SYT16: variants seen among roughly 807,000 people sequenced by gnomAD.
SYT16 encodes the protein synaptotagmin 16, also known as synaptotagmin-16.
In SYT16, 42 loss-of-function variants were observed where a neutral mutation model predicts 61.4. That is an observed-to-expected ratio of 0.68 (90% CI 0.53 to 0.89). The LOEUF (loss-of-function observed/expected upper bound fraction) is 0.89, where lower values mean the gene tolerates loss of function less well. SYT16 is among the 40% of genes least tolerant of loss of function. The probability of loss-of-function intolerance (pLI) is 0.00; values close to 1 mark genes in which losing one functional copy is unlikely to be tolerated. For synonymous variants in SYT16, 314 were observed against 302.3 expected (o/e 1.04, Z -0.40); for missense variants, 804 against 807.3 (o/e 1.00, Z 0.05).
chr14:61,842,786 G>C, intron 1 of SYT16, among the ~76,000 whole-genome samples: 1 of 148,970 alleles, frequency 6.7e-6, no homozygotes, highest in South Asian at 2.2e-4. Context: ...GGGGTGGGGG[G>C]AGCGGGGAGG....
intron 1 of SYT16, among the ~76,000 whole-genome samples, chr14:61,867,509 A>C (rs1195946678): frequency 6.6e-6 from 1 of 152,092 alleles, no homozygotes; most frequent in African/African-American, 2.4e-5. Context: ...TATGAATTGG[A>C]ATCTACATAA....
At chr14:61,939,395 G>C (rs2050120252) in intron 1 of SYT16, among the ~76,000 whole-genome samples, 1 of 152,174 alleles carries the variant, frequency 6.6e-6, no homozygotes, top group Non-Finnish European at 1.5e-5. Context: ...CACTAGTGCT[G>C]CTTTCACAAA....
chr14:62,029,940 C>T (rs558552798), intron 3 of SYT16, among the ~76,000 whole-genome samples: 1 of 152,276 alleles, frequency 6.6e-6, no homozygotes. Flanking sequence ...CTTCTTCCTA[C>T]TTCCCAGATG....
intron 1 of SYT16, among the ~76,000 whole-genome samples, chr14:61,907,945 A>G (rs1398056097): frequency 1.3e-5 from 2 of 152,226 alleles, no homozygotes; most frequent in Non-Finnish European, 2.9e-5. Context: ...AGGACCATAT[A>G]CAAAGAACAC....
chr14:61,855,102 T>C (rs989349912), intron 1 of SYT16, among the ~76,000 whole-genome samples: 5 of 152,314 alleles, frequency 3.3e-5, no homozygotes, highest in Admixed American at 1.3e-4. Context: ...AAAAAGTTTT[T>C]CTCTTTTTGT....
intron 2 of SYT16, among the ~76,000 whole-genome samples, chr14:61,984,119 G>C (rs976040758): frequency 1.3e-5 from 2 of 152,082 alleles, no homozygotes; most frequent in Non-Finnish European, 2.9e-5. Context: ...TTAACAGAAA[G>C]GTTTTTTAAA....
At chr14:62,016,525 C>G (rs1450640398) in intron 3 of SYT16, among the ~76,000 whole-genome samples, 1 of 134,606 alleles carries the variant, frequency 7.4e-6, no homozygotes, top group East Asian at 2.2e-4. Flanking sequence ...GAAACCCTGT[C>G]TCTTCTAAAA....
intron 5 of SYT16, among the ~76,000 whole-genome samples, chr14:62,079,967 T>A (rs1011237071): frequency 2.6e-5 from 4 of 152,192 alleles, no homozygotes; most frequent in African/African-American, 9.7e-5. Context: ...AGCCAGGTAT[T>A]TTCATATCAA....
At chr14:61,953,534 C>T (rs1334265890) in intron 1 of SYT16, among the ~76,000 whole-genome samples, 1 of 152,120 alleles carries the variant, frequency 6.6e-6, no homozygotes. Flanking sequence ...ATGGTGACCT[C>T]CTAAATTGCT....
Position 62,011,924 on chromosome 14 carries a change from C to CATATATATATATATATATATAT in SYT16, c.523+15383_523+15384insTATATATATATATATATATATA, listed in dbSNP as rs71449575. 7.6e-4 allele frequency among the ~76,000 whole-genome samples: 66 copies of CATATATATATATATATATATAT among 87,022 alleles called. 1 individual carries two copies. Among genetic ancestry groups the CATATATATATATATATATATAT allele is most frequent in the African/African-American group, 2.6e-3 (56 of 21,318 alleles). The allele number at this position is 87,022 out of a possible 152,430, so 57.1% of individuals were successfully genotyped here. ...ACACACATATATATACACACACACA[C>CATATATATATATATATATATAT]ACATATATATATATATATTTGATGC... On this transcript the variant is annotated intron_variant, in intron 3 of 7. Transcript: ENST00000683842.
At chr14:61,899,879 AG>A (rs1181080331) in intron 1 of SYT16, among the ~76,000 whole-genome samples, 2 of 152,308 alleles carry the variant, frequency 1.3e-5, no homozygotes, top group South Asian at 4.1e-4. Context: ...TGTGTTCAGA[AG>A]GGGGCACTCA....
chr14:61,969,757 A>G (rs769236638), intron 1 of SYT16, among the ~76,000 whole-genome samples: 13 of 152,348 alleles, frequency 8.5e-5, no homozygotes, highest in Middle Eastern at 3.4e-3. Flanking sequence ...ACTTGCTTTT[A>G]TAACACTGGT....
rs1159794949 is a variant in SYT16, at chr14:61,945,684, T to C, written c.-324-24448T>C. On this transcript the variant is annotated intron_variant, in intron 1 of 7. Coordinates refer to ENST00000683842, the MANE Select transcript of SYT16 (RefSeq NM_001367656.1). ...TCCTGGCTAACACAGTGAAACCCCG[T>C]CTCTACTAAAAAATACAAAAAATTA... Among the ~76,000 whole-genome samples the C allele has an allele frequency of 2.7e-5, 4 of 150,788 alleles. 1 individual carries two copies. In the East Asian group the frequency reaches 7.8e-4, roughly 29 times the overall value.
chr14:62,086,765 T>C (rs192643546), intron 7 of SYT16, among the ~76,000 whole-genome samples: 2 of 152,324 alleles, frequency 1.3e-5, no homozygotes, highest in East Asian at 3.9e-4. Flanking sequence ...TTCCAGAAGT[T>C]TAAGTCTATT....
intron 3 of SYT16, among the ~76,000 whole-genome samples, chr14:62,018,949 G>A (rs1359455923): frequency 6.6e-6 from 1 of 152,156 alleles, no homozygotes; most frequent in Admixed American, 6.5e-5. Context: ...GCCTCATGGT[G>A]GTAACAAATC....
At chr14:61,911,319 A>G (rs2048924975) in intron 1 of SYT16, among the ~76,000 whole-genome samples, 1 of 152,170 alleles carries the variant, frequency 6.6e-6, no homozygotes, top group Admixed American at 6.5e-5. Context: ...CCTTACCTTT[A>G]ATGTTTGGCC....
chr14:62,041,757 G>T (rs1404858705), intron 3 of SYT16, among the ~76,000 whole-genome samples: 1 of 151,996 alleles, frequency 6.6e-6, no homozygotes, highest in South Asian at 2.1e-4. Context: ...CTCCTTCAGG[G>T]TTTCCCATTA....
intron 1 of SYT16, among the ~76,000 whole-genome samples, chr14:61,869,577 A>G (rs78262647): frequency 0.072 from 10,973 of 152,236 alleles, 503 homozygotes; most frequent in Non-Finnish European, 0.1. Context: ...CATACATTTT[A>G]CTGCCACATA....
chr14:62,110,154 T>C lies in SYT16; in HGVS notation c.*9447T>C, dbSNP rs2141042240. 6.6e-6 allele frequency: 1 copy of C among 152,280 alleles called. No homozygotes were observed. The highest frequency in any genetic ancestry group is 6.5e-5 in the Admixed American group (1 of 15,280). The allele number at this position is 152,280 out of a possible 1,614,324, so 9.4% of individuals were successfully genotyped here. A position where few individuals can be genotyped will look rare whatever the true frequency, so the allele number is the denominator to read the frequency against. On this transcript the variant is annotated 3_prime_UTR_variant, in exon 8 of 8. Coordinates refer to ENST00000683842, the MANE Select transcript of SYT16 (RefSeq NM_001367656.1). ...TGGCATTATTGCAGAGATGAAGGTA[T>C]AGTTGTATAAAGAATATTGGATTAA...
Sources: gnomAD v4.1 joint callset for allele counts (sites outside exome capture counted in the v4.1 genomes callset) on GRCh38, gnomAD v4.1.1 for gene constraint, MANE v1.5 for transcripts, NCBI Gene and HGNC (gene_info 2026-07-23, HGNC 2026-07-21) for gene names.